The following TRIM71 variants were observed in gnomAD, a reference collection of about 807,000 sequenced individuals.
The protein encoded by TRIM71 is tripartite motif containing 71, also known as E3 ubiquitin-protein ligase TRIM71.
A neutral mutation model predicts 61.2 loss-of-function variants in TRIM71; 9 were observed. The observed-to-expected ratio is 0.15, with a 90% CI of 0.09 to 0.26. TRIM71 has a LOEUF of 0.26. Ranked by LOEUF, TRIM71 falls within the 10% of genes least tolerant of loss-of-function variation. The probability of loss-of-function intolerance (pLI) is 1.00; values close to 1 mark genes in which losing one functional copy is unlikely to be tolerated. For missense variants in TRIM71, 998 were observed against 1,238.7 expected, an observed-to-expected ratio of 0.81 and a Z score of 2.92; for synonymous variants, 645 against 553.2, an observed-to-expected ratio of 1.17 and a Z score of -2.33.
rs1575337073 is a variant in TRIM71 at position 32,818,443 on chromosome 3, C to T, written c.363C>T (p.Asp121=). Residue 121 remains aspartate (D), a synonymous_variant, in exon 1 of 4, where the codon GAC becomes GAT. Coordinates refer to ENST00000383763, the MANE Select transcript of TRIM71 (RefSeq NM_001039111.3). ...CCTTCCTGCTTAGCAACCTGCTCGA[C>T]GCGGTGGTGGCCACTGCCGACGAGC... is the stretch of plus-strand genomic sequence containing the variant. The part of the protein sequence containing the change: ...SSAFLLSNLL[D]AVVATADEPP... 1.4e-6 allele frequency: 2 copies of T among 1,471,848 alleles called. No individual in the cohort carries two copies. The highest frequency in any genetic ancestry group is 1.3e-5 in the South Asian group (1 of 79,176). The allele number at this position is 1,471,848 out of a possible 1,614,324, so 91.2% of individuals were successfully genotyped here. A position where few individuals can be genotyped will look rare whatever the true frequency, so the allele number is the denominator to read the frequency against.
intron 1 of TRIM71, among the ~76,000 whole-genome samples, chr3:32,839,253 A>C (rs566149983): frequency 3.3e-5 from 5 of 149,320 alleles, no homozygotes; most frequent in South Asian, 4.2e-4. Context: ...TTTTTGAGAC[A>C]AGAGTCTCAT....
rs542067385 is a variant in TRIM71, at chr3:32,897,638, T to C, written c.*5827T>C. ...ATGGAAAAGTGTTCAAAAACTCCTG[T>C]GTTAGCTAACAGGCTTCTGAATGTA... On this transcript the variant is annotated 3_prime_UTR_variant, in exon 4 of 4. Coordinates refer to ENST00000383763, the MANE Select transcript of TRIM71 (RefSeq NM_001039111.3). 1.2e-4 allele frequency: 19 copies of C among 152,330 alleles called. No homozygotes were observed. The highest frequency in any genetic ancestry group is 2.4e-4 in the African/African-American group (10 of 41,558). 9.4% of individuals were successfully genotyped at this position (152,330 alleles called of 1,614,324 possible).
intron 1 of TRIM71, among the ~76,000 whole-genome samples, chr3:32,848,102 A>C (rs1159551973): frequency 1.3e-5 from 2 of 152,188 alleles, no homozygotes; most frequent in Admixed American, 1.3e-4. Context: ...AGATAACGAG[A>C]GACGACTGTA....
At chr3:32,889,548 C>T (rs116210464) in intron 3 of TRIM71, among the ~76,000 whole-genome samples, 1,559 of 147,260 alleles carry the variant, frequency 0.011, 27 homozygotes, top group African/African-American at 0.036. Context: ...TGATTATGTA[C>T]GTTTTGTCCC....
At chr3:32,829,341 C>T (rs558982454) in intron 1 of TRIM71, among the ~76,000 whole-genome samples, 11 of 151,906 alleles carry the variant, frequency 7.2e-5, no homozygotes, top group Non-Finnish European at 1.5e-4. Flanking sequence ...TGAGCCACCA[C>T]ACCCAACTAA....
intron 1 of TRIM71, among the ~76,000 whole-genome samples, chr3:32,853,455 A>G (rs1696561851): frequency 1.3e-5 from 2 of 152,120 alleles, no homozygotes; most frequent in South Asian, 4.1e-4. Context: ...CCTGGAATCA[A>G]TTTATTTAAC....
rs548837704 is a variant in TRIM71 at position 32,839,576 on chromosome 3, C to T, written c.852+20644C>T. ...ACGTCTGACCCGTCAAGCCCCAGAA[C>T]TTACAGTAGGCTTTAGGCTGTTTCC... On this transcript the variant is annotated intron_variant, in intron 1 of 3. Transcript: ENST00000383763. 8.6e-5 allele frequency among the ~76,000 whole-genome samples: 12 copies of T among 140,202 alleles called. No individual in the cohort carries two copies. The South Asian group carries it at 1.3e-3, about 15-fold the overall frequency. 92.0% of individuals were successfully genotyped at this position (140,202 alleles called of 152,430 possible). A position where few individuals can be genotyped will look rare whatever the true frequency, so the allele number is the denominator to read the frequency against.
chr3:32,824,183 T>C (rs1351773360), intron 1 of TRIM71, among the ~76,000 whole-genome samples: 1 of 152,164 alleles, frequency 6.6e-6, no homozygotes, highest in East Asian at 1.9e-4. Context: ...TTTAGTCCTT[T>C]TGTTTTTTTC....
chr3:32,839,877 G>C (rs1696384678), intron 1 of TRIM71, among the ~76,000 whole-genome samples: 1 of 152,158 alleles, frequency 6.6e-6, no homozygotes. Context: ...AGAAAGACCT[G>C]AGTGCTTTTG....
chr3:32,847,257 C>T (rs1398553439), intron 1 of TRIM71, among the ~76,000 whole-genome samples: 2 of 143,984 alleles, frequency 1.4e-5, no homozygotes, highest in Non-Finnish European at 3.0e-5. Flanking sequence ...AGTGCAATGG[C>T]GCAATCTCAG....
intron 1 of TRIM71, among the ~76,000 whole-genome samples, chr3:32,849,247 G>A (rs892677372): frequency 1.3e-5 from 2 of 151,204 alleles, no homozygotes; most frequent in African/African-American, 4.8e-5. Context: ...AAGGTAGAGC[G>A]AGTTCATTTA....
At position 32,890,845 on chromosome 3, in the gene TRIM71, A is replaced by G; in HGVS notation, c.1641A>G (p.Thr547=). 1 of 1,614,190 alleles carries G rather than the reference A, an allele frequency of 6.2e-7. No homozygotes were observed. The highest frequency in any genetic ancestry group is 8.5e-7 in the Non-Finnish European group (1 of 1,180,024). Residue 547 remains threonine, a synonymous_variant, in exon 4 of 4, where the codon ACA becomes ACG. Coordinates refer to ENST00000383763, the MANE Select transcript of TRIM71 (RefSeq NM_001039111.3). The surrounding 1 kb of genome is among the most constrained non-coding windows in gnomAD (Gnocchi z 6.2). ...AGGTGAGTGATCAGCAGAATGGGAC[A>G]TACGTGGTGAGTTACCGACCCCAGC... ...GAEVSDQQNG[T]YVVSYRPQLE...
chr3:32,860,126 C>T (rs1236195870), intron 1 of TRIM71, among the ~76,000 whole-genome samples: 1 of 145,356 alleles, frequency 6.9e-6, no homozygotes, highest in Non-Finnish European at 1.5e-5. Flanking sequence ...TCCTCTCCTC[C>T]CCTCCCCTCT....
At position 32,891,775 on chromosome 3, in the gene TRIM71, G is replaced by A; in HGVS notation, c.2571G>A (p.Val857=). The A allele has an allele frequency of 6.2e-7, 1 of 1,614,000 alleles. No homozygotes were observed. Among genetic ancestry groups the A allele is most frequent in the South Asian group, 1.1e-5 (1 of 91,088 alleles). ...TCACCCCCGACGGAATGATCGTTGT[G>A]GTGGACTTTGGCAACAATCGAATCC... ...IAITPDGMIV[V]VDFGNNRILV... is the part of the protein sequence containing the mutation. Residue 857 remains valine (V), a synonymous_variant, in exon 4 of 4, where the codon GTG becomes GTA. Transcript: ENST00000383763. The surrounding 1 kb of genome is among the most constrained non-coding windows in gnomAD (Gnocchi z 8.2).
intron 1 of TRIM71, among the ~76,000 whole-genome samples, chr3:32,870,463 G>A (rs943557940): frequency 1.3e-5 from 2 of 151,912 alleles, no homozygotes; most frequent in Non-Finnish European, 2.9e-5. Flanking sequence ...GAACTGCATC[G>A]ATCCTGTGTA....
At chr3:32,871,939 C>T (rs1176730065) in intron 1 of TRIM71, among the ~76,000 whole-genome samples, 2 of 152,150 alleles carry the variant, frequency 1.3e-5, no homozygotes, top group African/African-American at 4.8e-5. Flanking sequence ...GTCAGAAGAT[C>T]GAGACCATCC....
Position 32,818,236 on chromosome 3 carries a change from G to A in TRIM71, c.156G>A (p.Ala52=). The change falls in exon 1 of 4, where the codon GCG becomes GCA. Residue 52 remains alanine (A), a synonymous_variant. Transcript: ENST00000383763. ...SGGGGGGPGA[A]ARRLHVLPCL... ...GCGGCGGCGGGGGCCCTGGGGCGGC[G>A]GCGCGCCGCCTACACGTCCTGCCCT... The A allele has an allele frequency of 6.7e-7, 1 of 1,497,096 alleles. No individual in the cohort carries two copies. The allele number at this position is 1,497,096 out of a possible 1,614,324, so 92.7% of individuals were successfully genotyped here.
chr3:32,890,316 C>A lies in TRIM71; in HGVS notation c.1156-44C>A. On this transcript the variant is annotated intron_variant, in intron 3 of 3. Transcript: ENST00000383763. The surrounding 1 kb of genome is among the most constrained non-coding windows in gnomAD (Gnocchi z 6.2). ...CTTATGTGGTATTTTCTGTGCTTGG[C>A]TCTAAGCCTCTGTGTCTTTCTCCAC... 1 of 1,578,888 alleles carries A rather than the reference C, an allele frequency of 6.3e-7. No homozygotes were observed. Among genetic ancestry groups the A allele is most frequent in the Non-Finnish European group, 8.6e-7 (1 of 1,159,346 alleles).
chr3:32,835,685 A>G (rs1307044450), intron 1 of TRIM71, among the ~76,000 whole-genome samples: 1 of 152,160 alleles, frequency 6.6e-6, no homozygotes, highest in Non-Finnish European at 1.5e-5. Context: ...TAATTGCTGG[A>G]TGAATAGAAA....
Sources: gnomAD v4.1 joint callset for allele counts (sites outside exome capture counted in the v4.1 genomes callset) on GRCh38, gnomAD v4.1.1 for gene constraint, Gnocchi (gnomAD v3.1) non-coding constraint, MANE v1.5 for transcripts, NCBI Gene and HGNC (gene_info 2026-07-23, HGNC 2026-07-21) for gene names.